The following MAPKAP1 variants were observed in gnomAD, a reference collection of about 807,000 sequenced individuals.
MAPKAP1 encodes the protein MAPK associated protein 1, also known as target of rapamycin complex 2 subunit MAPKAP1.
MAPKAP1 carries 20 observed loss-of-function variants against 65.7 expected under a neutral mutation model. That is an observed-to-expected ratio of 0.30 (90% CI 0.21 to 0.44). The LOEUF (loss-of-function observed/expected upper bound fraction) is 0.44. Among genes scored for constraint, MAPKAP1 ranks in the 20% least tolerant of loss-of-function variants. The pLI is 1.00. For missense variants in MAPKAP1, 423 were observed against 648.0 expected, an observed-to-expected ratio of 0.65 and a Z score of 3.77; for synonymous variants, 222 against 244.3, an observed-to-expected ratio of 0.91 and a Z score of 0.85.
intron 1 of MAPKAP1, among the ~76,000 whole-genome samples, chr9:125,681,934 AT>A (rs1371840476): frequency 1.3e-5 from 2 of 151,906 alleles, no homozygotes; most frequent in Non-Finnish European, 2.9e-5. Context: ...TAATTTTTAA[AT>A]TTTTTTGTAG....
chr9:125,532,328 T>C (rs1441240990), intron 7 of MAPKAP1, among the ~76,000 whole-genome samples: 1 of 152,244 alleles, frequency 6.6e-6, no homozygotes, highest in Non-Finnish European at 1.5e-5. Flanking sequence ...AAGTATTCAG[T>C]AGATGTAATC....
chr9:125,495,744 C>A (rs1003901077), intron 8 of MAPKAP1, among the ~76,000 whole-genome samples: 2 of 152,316 alleles, frequency 1.3e-5, no homozygotes, highest in Middle Eastern at 3.4e-3. Context: ...TAGCTGTGGA[C>A]AAGGCACAAG....
At chr9:125,529,872 A>G (rs189622547) in intron 7 of MAPKAP1, among the ~76,000 whole-genome samples, 2 of 152,342 alleles carry the variant, frequency 1.3e-5, no homozygotes, top group Admixed American at 6.5e-5. Flanking sequence ...ATTGTCATGT[A>G]AGGCAGAAAA....
intron 5 of MAPKAP1, among the ~76,000 whole-genome samples, chr9:125,573,276 A>G (rs1388345030): frequency 2.0e-5 from 3 of 152,224 alleles, no homozygotes; most frequent in African/African-American, 7.2e-5. Flanking sequence ...CTTACTGACA[A>G]AACAGGTTGC....
rs9657680 is a variant in MAPKAP1, at chr9:125,582,398, C to T, written c.671+3157G>A. 9.0e-3 allele frequency among the ~76,000 whole-genome samples: 1,363 copies of T among 152,178 alleles called. 18 individuals are homozygous for T. The highest frequency in any genetic ancestry group is 0.031 in the African/African-American group (1,298 of 41,510). Reference sequence around the variant, plus strand: ...TCTGTGTTTCTTGGTACTAGCTATCCTCGTGTGCTTTGGAATTTTAATTTG... The same window carrying T: ...TCTGTGTTTCTTGGTACTAGCTATCTTCGTGTGCTTTGGAATTTTAATTTG... On this transcript the variant is annotated intron_variant, in intron 5 of 11. Coordinates refer to ENST00000265960, the MANE Select transcript of MAPKAP1 (RefSeq NM_001006617.3).
At chr9:125,463,494 T>C (rs1203946985) in intron 10 of MAPKAP1, among the ~76,000 whole-genome samples, 2 of 152,228 alleles carry the variant, frequency 1.3e-5, no homozygotes, top group Non-Finnish European at 2.9e-5. Flanking sequence ...ACTTAAGTGG[T>C]AGGTCACCAA....
At chr9:125,648,583 C>T (rs1833799142) in intron 4 of MAPKAP1, among the ~76,000 whole-genome samples, 1 of 152,176 alleles carries the variant, frequency 6.6e-6, no homozygotes, top group Non-Finnish European at 1.5e-5. Context: ...GTCAGTGTTC[C>T]TTCTAACACA....
At chr9:125,530,703 G>A (rs564378281) in intron 7 of MAPKAP1, among the ~76,000 whole-genome samples, 1 of 152,298 alleles carries the variant, frequency 6.6e-6, no homozygotes, top group African/African-American at 2.4e-5. Context: ...TGTGCTTCCA[G>A]CAGATTCTAA....
At chr9:125,576,646 G>A (rs62570222) in intron 5 of MAPKAP1, among the ~76,000 whole-genome samples, 1 of 152,316 alleles carries the variant, frequency 6.6e-6, no homozygotes, top group East Asian at 1.9e-4. Flanking sequence ...AGCCTGCAGA[G>A]TGCCTGCGAC....
chr9:125,498,328 T>C (rs1358094164), intron 8 of MAPKAP1, among the ~76,000 whole-genome samples: 1 of 152,232 alleles, frequency 6.6e-6, no homozygotes, highest in Non-Finnish European at 1.5e-5. Flanking sequence ...ATCAACAATC[T>C]CAGGGTCGAC....
At chr9:125,620,505 A>T (rs1014215152) in intron 4 of MAPKAP1, among the ~76,000 whole-genome samples, 5 of 152,210 alleles carry the variant, frequency 3.3e-5, no homozygotes, top group African/African-American at 1.2e-4. Context: ...TTCTGCTTGA[A>T]ATTTATCCTA....
chr9:125,457,285 G>A (rs771633318), intron 10 of MAPKAP1, among the ~76,000 whole-genome samples: 21 of 152,208 alleles, frequency 1.4e-4, no homozygotes, highest in African/African-American at 2.2e-4. Context: ...CACTGTGCCC[G>A]GCCCATTTAG....
intron 7 of MAPKAP1, among the ~76,000 whole-genome samples, chr9:125,518,052 C>T (rs1829513491): frequency 6.6e-6 from 1 of 152,170 alleles, no homozygotes; most frequent in Non-Finnish European, 1.5e-5. Flanking sequence ...AAATAGAATG[C>T]CTTCCACAAG....
At chr9:125,660,909 A>G (rs1187409676) in intron 3 of MAPKAP1, among the ~76,000 whole-genome samples, 1 of 152,236 alleles carries the variant, frequency 6.6e-6, no homozygotes, top group African/African-American at 2.4e-5. Context: ...GAGGAGAAAA[A>G]TTGATAAACC....
At chr9:125,482,794 G>C (rs1854365772) in intron 9 of MAPKAP1, among the ~76,000 whole-genome samples, 1 of 152,138 alleles carries the variant, frequency 6.6e-6, no homozygotes, top group Non-Finnish European at 1.5e-5. Context: ...AAAAAAGGTG[G>C]GGTCTGCTTT....
chr9:125,571,091 A>G (rs1218862021), intron 5 of MAPKAP1, among the ~76,000 whole-genome samples: 3 of 152,236 alleles, frequency 2.0e-5, no homozygotes, highest in African/African-American at 4.8e-5. Context: ...AAAATCATAC[A>G]TTATCAAATG....
intron 7 of MAPKAP1, among the ~76,000 whole-genome samples, chr9:125,528,918 A>G (rs1829854307): frequency 6.7e-6 from 1 of 150,314 alleles, no homozygotes; most frequent in Admixed American, 6.6e-5. Flanking sequence ...TGATCCCAGC[A>G]CTTTGGGAGG....
intron 1 of MAPKAP1, among the ~76,000 whole-genome samples, chr9:125,678,174 T>C (rs1038750788): frequency 2.6e-5 from 4 of 152,192 alleles, no homozygotes; most frequent in African/African-American, 9.7e-5. Flanking sequence ...AGCCTTGGCC[T>C]CCTAAAGTGT....
chr9:125,573,696 G>A (rs1474212515), intron 5 of MAPKAP1, among the ~76,000 whole-genome samples: 2 of 152,128 alleles, frequency 1.3e-5, no homozygotes, highest in Non-Finnish European at 2.9e-5. Context: ...TTGTGCTCCA[G>A]TCACACTGAC....
Sources: allele counts gnomAD v4.1 joint callset (sites outside exome capture counted in the v4.1 genomes callset), GRCh38; gene constraint gnomAD v4.1.1; transcripts MANE v1.5; gene names NCBI Gene and HGNC (gene_info 2026-07-23, HGNC 2026-07-21).